Variants in PKN2 observed in about 807,000 individuals in gnomAD.
PKN2 encodes protein kinase N2, also known as serine/threonine-protein kinase N2.
Under a neutral mutation model 119.1 loss-of-function variants are expected in PKN2, and 38 were observed. The observed-to-expected ratio is 0.32, with a 90% confidence interval of 0.25 to 0.42. PKN2 has a LOEUF of 0.42. Ranked by LOEUF, PKN2 falls within the 10% of genes least tolerant of loss-of-function variation. The probability of loss-of-function intolerance (pLI) is 1.00; values close to 1 mark genes in which losing one functional copy is unlikely to be tolerated. For synonymous variants in PKN2, 390 were observed against 384.9 expected, an observed-to-expected ratio of 1.01 and a Z score of -0.15; for missense variants, 850 against 1,165.1, an observed-to-expected ratio of 0.73 and a Z score of 3.94.
At chr1:88,757,991 A>G (rs980294500) in intron 2 of PKN2, among the ~76,000 whole-genome samples, 3 of 147,858 alleles carry the variant, frequency 2.0e-5, no homozygotes, top group Non-Finnish European at 4.5e-5. Context: ...CAGTGAGCCG[A>G]AATCACACCA....
Position 88,760,262 on chromosome 1 carries a change from T to G in PKN2, c.390T>G (p.Arg130=). 2.5e-6 allele frequency: 4 copies of G among 1,580,942 alleles called. No individual in the cohort carries two copies. Among genetic ancestry groups the G allele is most frequent in the Non-Finnish European group, 3.5e-6 (4 of 1,154,128 alleles). Residue 130 remains arginine, a synonymous_variant, in exon 3 of 22, where the codon CGT becomes CGG. Transcript: ENST00000370521. ...CAGATACTCCAAATAATGACCCTCG[T>G]TGTTCTACTAGCAACAATAGATTGA... ...RTPDTPNNDP[R]CSTSNNRLKA... is the part of the protein sequence containing the mutation.
intron 8 of PKN2, among the ~76,000 whole-genome samples, chr1:88,789,964 C>T (rs1382552156): frequency 6.6e-6 from 1 of 151,946 alleles, no homozygotes; most frequent in Non-Finnish European, 1.5e-5. Flanking sequence ...CACTAAATAC[C>T]TCTTTGTTTT....
intron 12 of PKN2, among the ~76,000 whole-genome samples, chr1:88,806,808 C>G (rs2100879045): frequency 6.6e-6 from 1 of 152,274 alleles, no homozygotes; most frequent in Admixed American, 6.5e-5. Flanking sequence ...CAACCTCCGC[C>G]TCCTGGGTTC....
At chr1:88,691,585 C>G (rs1038308111) in intron 1 of PKN2, among the ~76,000 whole-genome samples, 5 of 152,170 alleles carry the variant, frequency 3.3e-5, no homozygotes, top group Non-Finnish European at 5.9e-5. Flanking sequence ...TACTCATGGA[C>G]CACCACTCCC....
At chr1:88,684,753 C>A (rs1666005718) in intron 1 of PKN2, 125 bp downstream of exon 1, 2 of 761,374 alleles carry the variant, frequency 2.6e-6, no homozygotes, top group African/African-American at 1.9e-5. Flanking sequence ...GCGGAAACTC[C>A]GGGATGTCAC....
intron 18 of PKN2, among the ~76,000 whole-genome samples, chr1:88,827,768 G>A (rs998343771): frequency 1.3e-5 from 2 of 151,576 alleles, no homozygotes; most frequent in African/African-American, 4.9e-5. Context: ...CACCCAGGCT[G>A]GAGTGCAATG....
chr1:88,827,279 GTATCCCT>G (rs1253882492), intron 18 of PKN2, among the ~76,000 whole-genome samples: 1 of 152,016 alleles, frequency 6.6e-6, no homozygotes, highest in African/African-American at 2.4e-5. Flanking sequence ...TACAGGCTGA[GTATCCCT>G]TATCCAAAAT....
chr1:88,760,684 C>T (rs1213271778), intron 3 of PKN2, among the ~76,000 whole-genome samples: 1 of 151,894 alleles, frequency 6.6e-6, no homozygotes, highest in Non-Finnish European at 1.5e-5. Flanking sequence ...TTGGTAATTT[C>T]ACTGTTTAAA....
At chr1:88,736,565 A>C (rs1475877460) in intron 1 of PKN2, among the ~76,000 whole-genome samples, 1 of 152,060 alleles carries the variant, frequency 6.6e-6, no homozygotes, top group Non-Finnish European at 1.5e-5. Flanking sequence ...GGGTTTTACC[A>C]TGTTAGACAG....
At chr1:88,687,337 G>A (rs1158755457) in intron 1 of PKN2, among the ~76,000 whole-genome samples, 1 of 152,108 alleles carries the variant, frequency 6.6e-6, no homozygotes, top group Non-Finnish European at 1.5e-5. Flanking sequence ...ATTTACTGTA[G>A]TAAAAATAAA....
At chr1:88,726,307 T>C (rs1195576166) in intron 1 of PKN2, among the ~76,000 whole-genome samples, 1 of 152,208 alleles carries the variant, frequency 6.6e-6, no homozygotes, top group Non-Finnish European at 1.5e-5. Flanking sequence ...TGATGTTAGC[T>C]GTAAATTTTT....
At chr1:88,692,595 C>G (rs562502831) in intron 1 of PKN2, among the ~76,000 whole-genome samples, 1 of 152,098 alleles carries the variant, frequency 6.6e-6, no homozygotes, top group African/African-American at 2.4e-5. Context: ...GGTCTTGATG[C>G]GCATTTTCCT....
chr1:88,741,185 A>C lies in PKN2; in HGVS notation c.246A>C (p.Val82=). 2 of 1,604,186 alleles carry C rather than the reference A, an allele frequency of 1.2e-6. No homozygotes were observed. Among genetic ancestry groups the C allele is most frequent in the South Asian group, 2.3e-5 (2 of 88,096 alleles). Residue 82 remains valine, a synonymous_variant, in exon 2 of 22, where the codon GTA becomes GTC. Coordinates refer to ENST00000370521, the MANE Select transcript of PKN2 (RefSeq NM_006256.4). ...VTTDKKSLAY[V]DNILKKSNKK... Reference sequence around the variant, plus strand: ...CAGATAAAAAAAGTTTGGCTTATGTAGACAACATTTTGAAAAAATCAAATA... The same window carrying C: ...CAGATAAAAAAAGTTTGGCTTATGTCGACAACATTTTGAAAAAATCAAATA...
chr1:88,713,145 G>C (rs1368937942), intron 1 of PKN2, among the ~76,000 whole-genome samples: 3 of 152,192 alleles, frequency 2.0e-5, no homozygotes, highest in Non-Finnish European at 4.4e-5. Context: ...TGGTGTATAT[G>C]TGCCACACTT....
intron 2 of PKN2, among the ~76,000 whole-genome samples, chr1:88,743,760 T>G (rs1341974323): frequency 6.6e-6 from 1 of 152,190 alleles, no homozygotes; most frequent in Non-Finnish European, 1.5e-5. Context: ...CATCTTATAT[T>G]AGTCTTTAGA....
intron 1 of PKN2, among the ~76,000 whole-genome samples, chr1:88,703,514 A>G (rs1418208822): frequency 1.3e-5 from 2 of 152,190 alleles, no homozygotes; most frequent in South Asian, 2.1e-4. Flanking sequence ...CCCAACTGGC[A>G]TTTGAAACTA....
intron 1 of PKN2, among the ~76,000 whole-genome samples, chr1:88,704,314 A>G (rs1666889607): frequency 1.3e-5 from 2 of 152,190 alleles, no homozygotes; most frequent in African/African-American, 4.8e-5. Flanking sequence ...TGCAGTATGT[A>G]TCGGTAGTTC....
chr1:88,821,973 A>T lies in PKN2; in HGVS notation c.2312A>T (p.Gln771Leu). ...GCTGCTTGTGTAGTTCTTGGGTTGCAGTATTTACATGAACACAAAATTGTT... is the reference window on the plus strand; with the variant it reads ...GCTGCTTGTGTAGTTCTTGGGTTGCTGTATTTACATGAACACAAAATTGTT... ...FYAACVVLGL[Q>L]YLHEHKIVYR... is the part of the protein sequence containing the mutation. Residue 771 changes from glutamine (Q) to leucine (L), a missense_variant, in exon 17 of 22, where the codon CAG (glutamine) becomes CTG (leucine). Coordinates refer to ENST00000370521, the MANE Select transcript of PKN2 (RefSeq NM_006256.4). 6.3e-7 allele frequency: 1 copy of T among 1,578,928 alleles called. No homozygotes were observed. The highest frequency in any genetic ancestry group is 1.2e-5 in the South Asian group (1 of 84,176).
intron 2 of PKN2, among the ~76,000 whole-genome samples, chr1:88,753,675 A>C (rs1669089602): frequency 7.1e-6 from 1 of 140,722 alleles, no homozygotes; most frequent in East Asian, 1.9e-4. Context: ...TTGGAGCAGG[A>C]GCGAGAGAGA....
Sources: gnomAD v4.1 joint callset for allele counts (sites outside exome capture counted in the v4.1 genomes callset) on GRCh38, gnomAD v4.1.1 for gene constraint, MANE v1.5 for transcripts, NCBI Gene and HGNC (gene_info 2026-07-23, HGNC 2026-07-21) for gene names.